The following FKTN variants were observed in gnomAD, a reference collection of about 807,000 sequenced individuals.
The protein encoded by FKTN is fukutin.
Under a neutral mutation model 58.6 loss-of-function variants are expected in FKTN, and 47 were observed. The observed-to-expected ratio is 0.80, with a 90% CI of 0.63 to 1.02. The LOEUF is 1.02. FKTN is among the 50% of genes least tolerant of loss of function. The probability of loss-of-function intolerance (pLI) is 0.00; values close to 1 mark genes in which losing one functional copy is unlikely to be tolerated. For missense variants in FKTN, 516 were observed against 537.3 expected (o/e 0.96, Z 0.39); for synonymous variants, 178 against 191.9 (o/e 0.93, Z 0.60).
intron 3 of FKTN, among the ~76,000 whole-genome samples, chr9:105,581,494 G>C (rs992758602): frequency 5.3e-5 from 8 of 151,078 alleles, no homozygotes; most frequent in South Asian, 2.1e-4. Context: ...TCAGGGGTCA[G>C]GGACCCACTT....
intron 10 of FKTN, among the ~76,000 whole-genome samples, chr9:105,634,669 A>G (rs74884310): frequency 6.6e-6 from 1 of 152,202 alleles, no homozygotes; most frequent in Non-Finnish European, 1.5e-5. Context: ...GTGAAAGAAA[A>G]GAAAAAGATC....
In FKTN at chr9:105,600,884, C is replaced by T. The variant is rs1363943185; in HGVS notation, c.166-261C>T. The T allele has an allele frequency of 1.2e-5, 4 of 333,708 alleles. No individual in the cohort carries two copies. In the East Asian group the frequency reaches 2.5e-4, roughly 21 times the overall value. 20.7% of individuals were successfully genotyped at this position (333,708 alleles called of 1,614,324 possible). ...TAAATTTGTAGCTTACTGGTCTGTACTTTTATAATATGTTGTATATGTTTT... is the reference window on the plus strand; with the variant it reads ...TAAATTTGTAGCTTACTGGTCTGTATTTTTATAATATGTTGTATATGTTTT... On this transcript the variant is annotated intron_variant, in intron 4 of 10. Transcript: ENST00000357998.
At chr9:105,632,057 G>T (rs1349861778) in intron 10 of FKTN, among the ~76,000 whole-genome samples, 1 of 151,120 alleles carries the variant, frequency 6.6e-6, no homozygotes, top group African/African-American at 2.4e-5. Context: ...AGAAAATGTG[G>T]CACATATACA....
intron 5 of FKTN, 108 bp from the exon 6 acceptor site, chr9:105,604,107 G>C (rs1413921884): frequency 1.7e-6 from 2 of 1,143,256 alleles, no homozygotes; most frequent in Non-Finnish European, 2.6e-6. Flanking sequence ...ACAAAAATAT[G>C]GCTCAAGTTC....
intron 10 of FKTN, among the ~76,000 whole-genome samples, chr9:105,630,373 T>C (rs916714149): frequency 3.9e-5 from 6 of 152,122 alleles, no homozygotes; most frequent in African/African-American, 1.4e-4. Context: ...CAAAATCAAC[T>C]CAAAAAGATC....
intron 1 of FKTN, among the ~76,000 whole-genome samples, chr9:105,561,989 C>T (rs1838382665): frequency 6.6e-6 from 1 of 151,604 alleles, no homozygotes; most frequent in African/African-American, 2.4e-5. Context: ...TTTATGCCTG[C>T]CAATCTGCTA....
At chr9:105,579,033 G>A (rs1371036313) in intron 3 of FKTN, among the ~76,000 whole-genome samples, 1 of 151,312 alleles carries the variant, frequency 6.6e-6, no homozygotes, top group Non-Finnish European at 1.5e-5. Context: ...GTTTTTTATT[G>A]CGTCTATTTC....
chr9:105,607,987 G>C lies in FKTN; in HGVS notation c.780+36G>C, dbSNP rs758485285. The C allele has an allele frequency of 1.7e-5, 27 of 1,578,968 alleles. No homozygotes were observed. The East Asian group carries it at 5.8e-4, about 34-fold the overall frequency. On this transcript the variant is annotated intron_variant, in intron 7 of 10. Transcript: ENST00000357998. ...ACCAAATGTGTACTTTTAAATTAAA[G>C]AAAATGTTGGGATTATTTTTAATAT...
At chr9:105,564,627 T>A (rs940454889) in intron 1 of FKTN, among the ~76,000 whole-genome samples, 1 of 152,150 alleles carries the variant, frequency 6.6e-6, no homozygotes, top group African/African-American at 2.4e-5. Context: ...GAACAAAGCC[T>A]CCAAGAAATA....
intron 10 of FKTN, among the ~76,000 whole-genome samples, chr9:105,627,770 A>T (rs1588276396): frequency 6.6e-6 from 1 of 151,656 alleles, no homozygotes; most frequent in Admixed American, 6.6e-5. Context: ...TCCCTCTCTC[A>T]TGCTTTATTG....
intron 3 of FKTN, among the ~76,000 whole-genome samples, chr9:105,581,814 G>T (rs1032900309): frequency 6.6e-6 from 1 of 152,204 alleles, no homozygotes; most frequent in African/African-American, 2.4e-5. Context: ...CTAGCAATCA[G>T]CGAGATTCCG....
intron 3 of FKTN, among the ~76,000 whole-genome samples, chr9:105,576,982 G>T: frequency 9.5e-6 from 1 of 104,950 alleles, no homozygotes; most frequent in African/African-American, 4.1e-5. Context: ...AGAAGTGTCT[G>T]TTCATGTCCT....
Position 105,639,887 on chromosome 9 carries a change from T to G in FKTN, c.*4623T>G. ...GGTACCTGCTCTCCCCTGGACTTCT[T>G]TTTCAATATTCTAGCCTTTCCTAGA... is the stretch of plus-strand genomic sequence containing the variant. On this transcript the variant is annotated 3_prime_UTR_variant, in exon 11 of 11. Transcript: ENST00000357998. The G allele has an allele frequency of 7.1e-7, 1 of 1,404,084 alleles. No homozygotes were observed. Among genetic ancestry groups the G allele is most frequent in the Non-Finnish European group, 9.2e-7 (1 of 1,084,190 alleles). The allele number at this position is 1,404,084 out of a possible 1,614,324, so 87.0% of individuals were successfully genotyped here. A position where few individuals can be genotyped will look rare whatever the true frequency, so the allele number is the denominator to read the frequency against.
chr9:105,613,305 T>C (rs1327274708), intron 7 of FKTN, among the ~76,000 whole-genome samples: 1 of 152,210 alleles, frequency 6.6e-6, no homozygotes, highest in Non-Finnish European at 1.5e-5. Flanking sequence ...ATTCCAGTCA[T>C]TTATTGTAAG....
At chr9:105,609,198 G>A (rs1042581252) in intron 7 of FKTN, among the ~76,000 whole-genome samples, 10 of 152,092 alleles carry the variant, frequency 6.6e-5, no homozygotes, top group Non-Finnish European at 1.2e-4. Context: ...ACACTTGATG[G>A]CGCCAAACAG....
Position 105,575,075 on chromosome 9 carries a change from C to T in FKTN, c.43C>T (p.Leu15=), listed in dbSNP as rs201648601. 4 of 1,612,192 alleles carry T rather than the reference C, an allele frequency of 2.5e-6. No individual in the cohort carries two copies. The East Asian group carries it at 6.7e-5, about 27-fold the overall frequency. ...NKNVVLALLT[L]TSSAFLLFQL... The stretch of plus-strand genomic sequence containing the variant: ...GAACGTGGTTTTGGCCCTTTTAACG[C>T]TGACAAGTTCTGCATTTCTGCTGTT... The change falls in exon 3 of 11, where the codon CTG becomes TTG. Residue 15 remains leucine (L), a synonymous_variant. Transcript: ENST00000357998.
rs1298297646 is a variant in FKTN at position 105,635,954 on chromosome 9, G to T, written c.*690G>T. 1.5e-5 allele frequency: 15 copies of T among 985,678 alleles called. No individual in the cohort carries two copies. Among genetic ancestry groups the T allele is most frequent in the Non-Finnish European group, 1.8e-5 (15 of 830,228 alleles). 61.1% of individuals were successfully genotyped at this position (985,678 alleles called of 1,614,324 possible). A position where few individuals can be genotyped will look rare whatever the true frequency, so the allele number is the denominator to read the frequency against. Reference sequence around the variant, plus strand: ...TATGTGAAGTGAGAAGAAACTTTATGCTTGTTTAATGCTTAAATTTCCATC... The same window carrying T: ...TATGTGAAGTGAGAAGAAACTTTATTCTTGTTTAATGCTTAAATTTCCATC... On this transcript the variant is annotated 3_prime_UTR_variant, in exon 11 of 11. Coordinates refer to ENST00000357998, the MANE Select transcript of FKTN (RefSeq NM_001079802.2).
intron 10 of FKTN, among the ~76,000 whole-genome samples, chr9:105,630,770 T>C (rs1365361970): frequency 6.6e-6 from 1 of 152,162 alleles, no homozygotes; most frequent in Admixed American, 6.6e-5. Flanking sequence ...TTTTAATAGA[T>C]GACATTAACA....
chr9:105,574,602 C>T lies in FKTN; in HGVS notation c.-88-343C>T, dbSNP rs546322433. Among the ~76,000 whole-genome samples, 5 of 152,038 alleles carry T rather than the reference C, an allele frequency of 3.3e-5. No homozygotes were observed. The South Asian group carries it at 8.3e-4, about 25-fold the overall frequency. On this transcript the variant is annotated intron_variant, in intron 2 of 10. Coordinates refer to ENST00000357998, the MANE Select transcript of FKTN (RefSeq NM_001079802.2). ...TGGTTCTCAGCATTGTCAGCAGCAC[C>T]AGCATCATTTGGGAACTTGTCAGAA...
Sources: allele counts gnomAD v4.1 joint callset (sites outside exome capture counted in the v4.1 genomes callset), GRCh38; gene constraint gnomAD v4.1.1; transcripts MANE v1.5; gene names NCBI Gene and HGNC (gene_info 2026-07-23, HGNC 2026-07-21).